The following RTN1 variants were observed in gnomAD, a reference collection of about 807,000 sequenced individuals.
RTN1 encodes reticulon 1.
A neutral mutation model predicts 65.5 loss-of-function variants in RTN1; 25 were observed. That is an observed-to-expected ratio of 0.38 (90% CI 0.28 to 0.53). RTN1 has a LOEUF of 0.53. Ranked by LOEUF, RTN1 falls within the 20% of genes least tolerant of loss-of-function variation. RTN1 has a pLI of 0.79. For missense variants in RTN1, 983 were observed against 1,025.4 expected (o/e 0.96, Z 0.57); for synonymous variants, 471 against 447.6 (o/e 1.05, Z -0.66).
chr14:59,674,465 T>C (rs978771764), intron 3 of RTN1, among the ~76,000 whole-genome samples: 2 of 152,218 alleles, frequency 1.3e-5, no homozygotes, highest in Non-Finnish European at 2.9e-5. Flanking sequence ...ATGCTTGGTT[T>C]CTAGTACAGA....
intron 1 of RTN1, among the ~76,000 whole-genome samples, chr14:59,789,790 C>T (rs1168358523): frequency 1.3e-5 from 2 of 151,762 alleles, no homozygotes; most frequent in East Asian, 3.9e-4. Flanking sequence ...AAACTAGGAA[C>T]AATCTAAATA....
chr14:59,744,017 C>T lies in RTN1; in HGVS notation c.1015+1691G>A, dbSNP rs544296781. The stretch of plus-strand genomic sequence containing the variant: ...GTAAATTTGAAAATCAGGGACCTGG[C>T]GCAGTGAATCTTTAAGACCCTTGGA... On this transcript the variant is annotated intron_variant, in intron 2 of 8. Coordinates refer to ENST00000267484, the MANE Select transcript of RTN1 (RefSeq NM_021136.3). 2.2e-4 allele frequency among the ~76,000 whole-genome samples: 33 copies of T among 152,208 alleles called. No individual in the cohort carries two copies. The East Asian group carries it at 4.6e-3, about 21-fold the overall frequency.
At chr14:59,841,551 A>G (rs183854194) in intron 1 of RTN1, among the ~76,000 whole-genome samples, 1 of 152,054 alleles carries the variant, frequency 6.6e-6, no homozygotes, top group African/African-American at 2.4e-5. Context: ...ACACAAAAAT[A>G]CAAAAATTAG....
intron 3 of RTN1, chr14:59,630,622 CTG>C: frequency 6.5e-7 from 1 of 1,532,174 alleles, no homozygotes; most frequent in East Asian, 2.4e-5. Context: ...TGCGGAGAGA[CTG>C]AGGCTGCACC....
intron 3 of RTN1, among the ~76,000 whole-genome samples, chr14:59,689,111 T>TA (rs1051151173): frequency 8.6e-5 from 13 of 151,762 alleles, no homozygotes; most frequent in African/African-American, 2.2e-4. Context: ...ATAAATATCT[T>TA]AAAAAAAACC....
chr14:59,870,133 T>G lies in RTN1; in HGVS notation c.241+257A>C, dbSNP rs922384017. On this transcript the variant is annotated intron_variant, in intron 1 of 8. Transcript: ENST00000267484. This position sits in a 1 kb window ranked among gnomAD's most constrained non-coding sequence, Gnocchi z 5.1. ...CTGCTGTTTGCCTATGAGAACAATT[T>G]TTAAAGCGGAAATAATCATGATAAT... Among the ~76,000 whole-genome samples the G allele has an allele frequency of 6.6e-6, 1 of 152,192 alleles. No individual in the cohort carries two copies. The highest frequency in any genetic ancestry group is 2.4e-5 in the African/African-American group (1 of 41,458).
At position 59,749,136 on chromosome 14, in the gene RTN1, ATCTATC is replaced by A. The variant is rs1566710876; in HGVS notation, c.242-2661_242-2656del. Among the ~76,000 whole-genome samples the A allele has an allele frequency of 2.5e-4, 27 of 109,694 alleles. 1 individual carries two copies. The highest frequency in any genetic ancestry group is 1.0e-3 in the African/African-American group (23 of 23,036). The allele number at this position is 109,694 out of a possible 152,430, so 72.0% of individuals were successfully genotyped here. On this transcript the variant is annotated intron_variant, in intron 1 of 8. Transcript: ENST00000267484. ...TATATATATATATAGATATATCTATATCTATCTATCTATCTATCTATATCTATCTAT... is the reference window on the plus strand; with the variant it reads ...TATATATATATATAGATATATCTATATATCTATCTATCTATATCTATCTAT...
chr14:59,623,979 A>ATT (rs1882324555), intron 3 of RTN1, among the ~76,000 whole-genome samples: 1 of 152,234 alleles, frequency 6.6e-6, no homozygotes, highest in Non-Finnish European at 1.5e-5. Context: ...ATATGACCAC[A>ATT]TTTAAAGCAT....
chr14:59,674,273 T>A (rs1883573343), intron 3 of RTN1, among the ~76,000 whole-genome samples: 1 of 152,304 alleles, frequency 6.6e-6, no homozygotes, highest in South Asian at 2.1e-4. Context: ...CTACTAGCAG[T>A]GGGAAACATA....
At chr14:59,834,478 G>A (rs1442678877) in intron 1 of RTN1, among the ~76,000 whole-genome samples, 1 of 152,084 alleles carries the variant, frequency 6.6e-6, no homozygotes, top group African/African-American at 2.4e-5. Context: ...AAGGACTTGT[G>A]TGCAGAATAC....
At chr14:59,644,190 G>A (rs554350744) in intron 3 of RTN1, among the ~76,000 whole-genome samples, 11 of 152,256 alleles carry the variant, frequency 7.2e-5, no homozygotes, top group Admixed American at 3.3e-4. Context: ...TAGAAGGGGC[G>A]AATAAATACA....
Position 59,745,684 on chromosome 14 carries a change from G to A in RTN1, c.1015+24C>T, listed in dbSNP as rs1235718479. 3.9e-6 allele frequency: 6 copies of A among 1,539,136 alleles called. No homozygotes were observed. The African/African-American group carries it at 8.3e-5, about 21-fold the overall frequency. On this transcript the variant is annotated intron_variant, in intron 2 of 8. Transcript: ENST00000267484. ...ATTTCCATATGCTGGGTTTTCCTAAGTCAAGCAATAACAGGGCCTTTACCT... is the reference window on the plus strand; with the variant it reads ...ATTTCCATATGCTGGGTTTTCCTAAATCAAGCAATAACAGGGCCTTTACCT...
At chr14:59,858,362 A>C (rs1048295320) in intron 1 of RTN1, among the ~76,000 whole-genome samples, 3 of 152,128 alleles carry the variant, frequency 2.0e-5, no homozygotes, top group African/African-American at 7.2e-5. Context: ...TTTCAGAGTG[A>C]GCTGAAAAAT....
At chr14:59,642,485 A>T (rs976417558) in intron 3 of RTN1, among the ~76,000 whole-genome samples, 1 of 151,988 alleles carries the variant, frequency 6.6e-6, no homozygotes, top group Admixed American at 6.6e-5. Context: ...CAAGTTTTTT[A>T]TACTCTACTC....
rs68098978 is a variant in RTN1 at position 59,606,103 on chromosome 14, G to GATATATATATATATATATATAT, written c.1974-619_1974-598dup. Reference sequence around the variant, plus strand: ...TTTAATTCTTGGGTGGGAAAAACATGATATATATATATATATATATATATC... The same window carrying GATATATATATATATATATATAT: ...TTTAATTCTTGGGTGGGAAAAACATGATATATATATATATATATATATATATATATATATATATATATATATC... On this transcript the variant is annotated intron_variant, in intron 4 of 8. Coordinates refer to ENST00000267484, the MANE Select transcript of RTN1 (RefSeq NM_021136.3). 2.8e-4 allele frequency: 36 copies of GATATATATATATATATATATAT among 127,274 alleles called. 1 individual carries two copies. The highest frequency in any genetic ancestry group is 1.4e-3 in the African/African-American group (36 of 25,566). The allele number at this position is 127,274 out of a possible 1,614,324, so 7.9% of individuals were successfully genotyped here. A position where few individuals can be genotyped will look rare whatever the true frequency, so the allele number is the denominator to read the frequency against.
intron 3 of RTN1, among the ~76,000 whole-genome samples, chr14:59,682,519 A>C (rs1360694126): frequency 6.6e-6 from 1 of 152,258 alleles, no homozygotes; most frequent in South Asian, 2.1e-4. Flanking sequence ...TGTATCTCCC[A>C]GCTTCTGGCG....
intron 1 of RTN1, among the ~76,000 whole-genome samples, chr14:59,815,861 T>C (rs1886811819): frequency 1.3e-5 from 2 of 152,162 alleles, no homozygotes; most frequent in African/African-American, 2.4e-5. Flanking sequence ...ACTGGGCCCT[T>C]GTATATCTGC....
At chr14:59,850,155 G>A (rs1887478911) in intron 1 of RTN1, among the ~76,000 whole-genome samples, 1 of 152,140 alleles carries the variant, frequency 6.6e-6, no homozygotes, top group South Asian at 2.1e-4. Flanking sequence ...TTGTTGTCTT[G>A]TAGGACACTT....
chr14:59,643,931 T>C (rs773535028), intron 3 of RTN1, among the ~76,000 whole-genome samples: 30 of 152,086 alleles, frequency 2.0e-4, no homozygotes, highest in Non-Finnish European at 3.7e-4. Context: ...GGTCTAGATA[T>C]TGATTTAGCA....
Sources: gnomAD v4.1 joint callset for allele counts (sites outside exome capture counted in the v4.1 genomes callset) on GRCh38, gnomAD v4.1.1 for gene constraint, Gnocchi (gnomAD v3.1) non-coding constraint, MANE v1.5 for transcripts, NCBI Gene and HGNC (gene_info 2026-07-23, HGNC 2026-07-21) for gene names.